The following PDE6A variants were observed in gnomAD, a reference collection of about 807,000 sequenced individuals.
PDE6A encodes rod cGMP-specific 3',5'-cyclic phosphodiesterase subunit alpha.
PDE6A carries 84 observed loss-of-function variants against 106.3 expected under a neutral mutation model. The observed-to-expected ratio is 0.79, with a 90% confidence interval of 0.66 to 0.95. The LOEUF (loss-of-function observed/expected upper bound fraction) is 0.95, where lower values mean the gene tolerates loss of function less well. PDE6A is among the 40% of genes least tolerant of loss of function. The pLI is 0.00. For synonymous variants in PDE6A, 394 were observed against 386.6 expected (o/e 1.02, Z -0.23); for missense variants, 1,052 against 1,084.9 (o/e 0.97, Z 0.43).
chr5:149,912,744 AGGTCTC>A (rs1407556453), intron 6 of PDE6A, among the ~76,000 whole-genome samples: 1 of 152,198 alleles, frequency 6.6e-6, no homozygotes, highest in East Asian at 1.9e-4. Context: ...TATACCACTC[AGGTCTC>A]CAGGTCTTGT....
chr5:149,869,263 G>A (rs542050121), intron 17 of PDE6A, among the ~76,000 whole-genome samples: 2 of 151,938 alleles, frequency 1.3e-5, no homozygotes, highest in East Asian at 3.9e-4. Flanking sequence ...TCGGGAGGCG[G>A]AGGTTGCAGG....
chr5:149,940,404 C>T (rs1436415922), intron 1 of PDE6A, among the ~76,000 whole-genome samples: 2 of 152,144 alleles, frequency 1.3e-5, no homozygotes, highest in African/African-American at 4.8e-5. Context: ...TGACGGGAGC[C>T]ATGCGCCCAT....
chr5:149,896,670 T>G (rs754742960), intron 11 of PDE6A, 41 bp downstream of exon 11: 1 of 1,614,092 alleles, frequency 6.2e-7, no homozygotes, highest in Non-Finnish European at 8.5e-7. Flanking sequence ...CACTTTGCAC[T>G]TGTTATACAT....
intron 6 of PDE6A, 41 bp downstream of exon 6, chr5:149,914,902 C>A (rs1163942305): frequency 7.4e-7 from 1 of 1,352,590 alleles, no homozygotes; most frequent in Non-Finnish European, 1.1e-6. Context: ...GATCTTTAAG[C>A]TAATTTGTTG....
intron 19 of PDE6A, chr5:149,866,491 A>C: frequency 1.9e-5 from 9 of 483,902 alleles, no homozygotes; most frequent in Middle Eastern, 5.8e-4. Flanking sequence ...CAGCAAATAA[A>C]TGGCATACCA....
chr5:149,900,280 T>G (rs1581182527), intron 8 of PDE6A, among the ~76,000 whole-genome samples: 2 of 150,618 alleles, frequency 1.3e-5, no homozygotes, highest in African/African-American at 4.9e-5. Context: ...GAGAATCGCT[T>G]GAACCCAGGA....
At chr5:149,871,963 T>A (rs1760575056) in intron 17 of PDE6A, among the ~76,000 whole-genome samples, 1 of 151,910 alleles carries the variant, frequency 6.6e-6, no homozygotes, top group Non-Finnish European at 1.5e-5. Flanking sequence ...AAGAGAGAGG[T>A]GTCAGGATGG....
At position 149,923,783 on chromosome 5, in the gene PDE6A, T is replaced by A. The variant is rs150717045; in HGVS notation, c.859-2074A>T. Among the ~76,000 whole-genome samples, 1,090 of 152,278 alleles carry A rather than the reference T, an allele frequency of 7.2e-3. 13 individuals are homozygous for A. The highest frequency in any genetic ancestry group is 0.025 in the African/African-American group (1,030 of 41,550). On this transcript the variant is annotated intron_variant, in intron 4 of 21. Transcript: ENST00000255266. ...TCAAGTCTGGGCCTGAGAGAGGGGC[T>A]TCCATCCTCCAGTGCCCTTTCTGTT...
intron 8 of PDE6A, among the ~76,000 whole-genome samples, chr5:149,900,395 A>G (rs1466330940): frequency 7.5e-6 from 1 of 132,910 alleles, no homozygotes; most frequent in East Asian, 2.2e-4. Context: ...ATATATATAT[A>G]TATCCGTTGG....
At chr5:149,866,869 G>GGCAGACT (rs1394208025) in intron 19 of PDE6A, 1 of 154,076 alleles carries the variant, frequency 6.5e-6, no homozygotes, top group Non-Finnish European at 1.4e-5. Flanking sequence ...AAACAAGAAT[G>GGCAGACT]GCAGACTGCT....
chr5:149,877,817 T>G (rs1760794921), intron 17 of PDE6A, among the ~76,000 whole-genome samples: 1 of 152,200 alleles, frequency 6.6e-6, no homozygotes, highest in South Asian at 2.1e-4. Context: ...TACACATGAA[T>G]TTTTTTCAAC....
intron 13 of PDE6A, among the ~76,000 whole-genome samples, chr5:149,893,740 C>G (rs907240990): frequency 1.3e-5 from 2 of 152,200 alleles, no homozygotes; most frequent in Non-Finnish European, 2.9e-5. Context: ...TAACTGAACT[C>G]TGTTCATGCA....
chr5:149,935,265 A>AGTGT (rs60720493), intron 1 of PDE6A, among the ~76,000 whole-genome samples: 12 of 149,860 alleles, frequency 8.0e-5, no homozygotes, highest in South Asian at 4.3e-4. Context: ...TGTGTGTGTG[A>AGTGT]GTGTGTGTGT....
rs773993473 is a variant in PDE6A, at chr5:149,883,547, TA to T, written c.2028-12del. The T allele has an allele frequency of 9.5e-6, 15 of 1,577,328 alleles. No individual in the cohort carries two copies. The highest frequency in any genetic ancestry group is 1.1e-5 in the Non-Finnish European group (13 of 1,147,064). On this transcript the variant is annotated splice_polypyrimidine_tract_variant and intron_variant, in intron 16 of 21. Transcript: ENST00000255266. ...AACATCGTCCTCTTCCTACAAAACATATCAGTCTAGTAAAGGGAGCAAGTCT... is the reference window on the plus strand; with the variant it reads ...AACATCGTCCTCTTCCTACAAAACATTCAGTCTAGTAAAGGGAGCAAGTCT...
rs1441003569 is a variant in PDE6A, at chr5:149,921,789, T to TC, written c.859-81dup. On this transcript the variant is annotated intron_variant, in intron 4 of 21. Coordinates refer to ENST00000255266, the MANE Select transcript of PDE6A (RefSeq NM_000440.3). ...GATTAAGATGTCCCACCTCCATGAG[T>TC]CAGCTAACACTGAAATTTAGAAAGT... 4.6e-6 allele frequency: 5 copies of TC among 1,082,568 alleles called. No homozygotes were observed. In the Admixed American group the frequency reaches 9.3e-5, roughly 20 times the overall value. 67.1% of individuals were successfully genotyped at this position (1,082,568 alleles called of 1,614,324 possible).
chr5:149,921,010 A>G (rs1753704140), intron 5 of PDE6A, among the ~76,000 whole-genome samples: 1 of 139,214 alleles, frequency 7.2e-6, no homozygotes. Context: ...GAAAGAAAAT[A>G]GAAAACCTAC....
intron 7 of PDE6A, among the ~76,000 whole-genome samples, chr5:149,904,885 C>T (rs1313642767): frequency 6.6e-6 from 1 of 152,106 alleles, no homozygotes; most frequent in African/African-American, 2.4e-5. Context: ...CATCATGGTC[C>T]CTATAGCAAG....
At chr5:149,869,466 G>C (rs896581030) in intron 17 of PDE6A, among the ~76,000 whole-genome samples, 2 of 152,142 alleles carry the variant, frequency 1.3e-5, no homozygotes, top group African/African-American at 4.8e-5. Flanking sequence ...GGGTACAACA[G>C]AAAATAGAAA....
intron 3 of PDE6A, 42 bp downstream of exon 3, chr5:149,933,888 A>G: frequency 7.0e-7 from 1 of 1,432,764 alleles, no homozygotes; most frequent in South Asian, 1.2e-5. Flanking sequence ...TGCTTCAGGG[A>G]AAGGACGAGT....
Sources: gnomAD v4.1 joint callset for allele counts (sites outside exome capture counted in the v4.1 genomes callset) on GRCh38, gnomAD v4.1.1 for gene constraint, MANE v1.5 for transcripts, NCBI Gene and HGNC (gene_info 2026-07-23, HGNC 2026-07-21) for gene names.